Variants in DPP10 observed in about 807,000 individuals in gnomAD.
DPP10 encodes the protein inactive dipeptidyl peptidase 10.
A neutral mutation model predicts 120.9 loss-of-function variants in DPP10; 33 were observed. The observed-to-expected ratio is 0.27, with a 90% CI of 0.21 to 0.37. The LOEUF is 0.37. Among genes scored for constraint, DPP10 ranks in the 10% least tolerant of loss-of-function variants. DPP10 has a pLI of 1.00. For missense variants in DPP10, 816 were observed against 942.8 expected, an observed-to-expected ratio of 0.87 and a Z score of 1.76; for synonymous variants, 337 against 326.1, an observed-to-expected ratio of 1.03 and a Z score of -0.36.
chr2:114,578,266 T>C (rs990348848), intron 1 of DPP10, among the ~76,000 whole-genome samples: 3 of 152,210 alleles, frequency 2.0e-5, no homozygotes, highest in Admixed American at 6.5e-5. Context: ...TCATAACCTC[T>C]GAGAATAAAA....
chr2:114,560,075 T>G (rs1688644692), intron 1 of DPP10, among the ~76,000 whole-genome samples: 1 of 152,138 alleles, frequency 6.6e-6, no homozygotes, highest in Non-Finnish European at 1.5e-5. Context: ...TTTAATTCTA[T>G]CATCATGGTT....
rs182708405 is a variant in DPP10 at position 115,694,829 on chromosome 2, C to G, written c.576+4908C>G. Among the ~76,000 whole-genome samples the G allele has an allele frequency of 9.9e-5, 15 of 152,278 alleles. No homozygotes were observed. The East Asian group carries it at 2.5e-3, about 25-fold the overall frequency. On this transcript the variant is annotated intron_variant, in intron 7 of 25. Transcript: ENST00000410059. The stretch of plus-strand genomic sequence containing the variant: ...CAGCTACCTATCTTCGACCCCAGCC[C>G]CATGGCAGGCAGCTGTGCTTATGTT...
rs192928464 is a variant in DPP10 at position 115,412,822 on chromosome 2, T to G, written c.271+68910T>G. Among the ~76,000 whole-genome samples, 3 of 152,278 alleles carry G rather than the reference T, an allele frequency of 2.0e-5. No homozygotes were observed. The East Asian group carries it at 5.8e-4, about 29-fold the overall frequency. The stretch of plus-strand genomic sequence containing the variant: ...GAAGATGAATTTTCTAACCCTGGGA[T>G]TTGGCTGCTCACTGAGTGTACACAT... On this transcript the variant is annotated intron_variant, in intron 3 of 25. Coordinates refer to ENST00000410059, the MANE Select transcript of DPP10 (RefSeq NM_020868.6).
intron 1 of DPP10, among the ~76,000 whole-genome samples, chr2:114,514,707 A>G (rs1159043413): frequency 6.6e-6 from 1 of 151,890 alleles, no homozygotes; most frequent in Non-Finnish European, 1.5e-5. Context: ...CCTTTCCAGG[A>G]TCCATGTGCA....
Position 114,723,467 on chromosome 2 carries a change from G to C in DPP10, c.60+280629G>C, listed in dbSNP as rs530010271. Among the ~76,000 whole-genome samples, 3 of 152,258 alleles carry C rather than the reference G, an allele frequency of 2.0e-5. No individual in the cohort carries two copies. The South Asian group carries it at 6.2e-4, about 32-fold the overall frequency. ...ACCAAGGTTAGGCAAGACTTCTGTC[G>C]ACCAGTTCTTGGAATCTTTGGCTCA... On this transcript the variant is annotated intron_variant, in intron 1 of 25. Transcript: ENST00000410059.
intron 1 of DPP10, among the ~76,000 whole-genome samples, chr2:114,488,500 G>A (rs1205941292): frequency 6.6e-6 from 1 of 152,148 alleles, no homozygotes; most frequent in East Asian, 1.9e-4. Flanking sequence ...TGAAAATAGG[G>A]CCTGTGGTCA....
intron 1 of DPP10, among the ~76,000 whole-genome samples, chr2:115,112,541 A>G: frequency 6.6e-6 from 1 of 152,178 alleles, no homozygotes; most frequent in East Asian, 1.9e-4. Context: ...TACCTCTCAC[A>G]CTTACCATTT....
chr2:115,179,245 A>G (rs765423159), intron 1 of DPP10, among the ~76,000 whole-genome samples: 14 of 152,208 alleles, frequency 9.2e-5, no homozygotes, highest in Non-Finnish European at 1.9e-4. Flanking sequence ...TTAATGTAGA[A>G]TTGAACAAAT....
At chr2:114,568,739 G>A (rs1689403193) in intron 1 of DPP10, among the ~76,000 whole-genome samples, 1 of 152,214 alleles carries the variant, frequency 6.6e-6, no homozygotes, top group Non-Finnish European at 1.5e-5. Context: ...TTGGGAATGA[G>A]TTAAAGAATG....
At chr2:115,216,648 C>G (rs7587768) in intron 1 of DPP10, among the ~76,000 whole-genome samples, 134,072 of 151,828 alleles carry the variant, frequency 0.88, 59,249 homozygotes, top group East Asian at 0.91. Context: ...GCCAGGTGTG[C>G]TGGCGGGCAC....
At chr2:114,781,974 AT>A (rs1349867864) in intron 1 of DPP10, among the ~76,000 whole-genome samples, 1 of 152,020 alleles carries the variant, frequency 6.6e-6, no homozygotes, top group Non-Finnish European at 1.5e-5. Context: ...TGTGTATGAT[AT>A]TTTTTATTCT....
At chr2:114,495,513 C>A (rs1682435749) in intron 1 of DPP10, among the ~76,000 whole-genome samples, 1 of 152,058 alleles carries the variant, frequency 6.6e-6, no homozygotes, top group Non-Finnish European at 1.5e-5. Context: ...TGCCTATCAT[C>A]TTAAAAAAAT....
rs118072261 is a variant in DPP10, at chr2:115,658,413, G to A, written c.442-31274G>A. On this transcript the variant is annotated intron_variant, in intron 5 of 25. Coordinates refer to ENST00000410059, the MANE Select transcript of DPP10 (RefSeq NM_020868.6). ...CCCTTTTTTTTTTGAGAATGAATTC[G>A]ATGTCTTAAAATCTCTCTCTCTTTT... Among the ~76,000 whole-genome samples the A allele has an allele frequency of 4.7e-3, 706 of 150,954 alleles. 7 individuals carry two copies. Among genetic ancestry groups the A allele is most frequent in the Admixed American group, 0.013 (194 of 15,154 alleles).
chr2:115,732,054 G>C (rs1437316171), intron 8 of DPP10, among the ~76,000 whole-genome samples: 1 of 150,172 alleles, frequency 6.7e-6, no homozygotes, highest in African/African-American at 2.4e-5. Context: ...ATATTGCCTA[G>C]GGAATGCATG....
intron 1 of DPP10, among the ~76,000 whole-genome samples, chr2:115,221,161 A>C (rs1184235651): frequency 6.6e-6 from 1 of 152,122 alleles, no homozygotes; most frequent in African/African-American, 2.4e-5. Flanking sequence ...TTTTGAATTA[A>C]AGTACGTCAC....
chr2:115,028,064 A>G (rs1419908902), intron 1 of DPP10, among the ~76,000 whole-genome samples: 1 of 151,902 alleles, frequency 6.6e-6, no homozygotes, highest in African/African-American at 2.4e-5. Flanking sequence ...TTTTCGTTTT[A>G]TCGACCTGTT....
At chr2:115,814,291 T>C (rs1211499455) in intron 19 of DPP10, among the ~76,000 whole-genome samples, 2 of 151,972 alleles carry the variant, frequency 1.3e-5, no homozygotes, top group African/African-American at 4.8e-5. Context: ...CAGGAAATAC[T>C]AATGCAGTTT....
chr2:115,644,171 T>TA (rs1199213199), intron 5 of DPP10, among the ~76,000 whole-genome samples: 1 of 151,882 alleles, frequency 6.6e-6, no homozygotes, highest in Non-Finnish European at 1.5e-5. Flanking sequence ...TATATATATA[T>TA]TTTTATTATA....
chr2:115,636,145 C>CAAA (rs568939069), intron 5 of DPP10, among the ~76,000 whole-genome samples: 2 of 106,938 alleles, frequency 1.9e-5, no homozygotes, highest in African/African-American at 3.5e-5. Flanking sequence ...AGTCTAATCG[C>CAAA]AAAAAAAAAA....
Sources: gnomAD v4.1 joint callset for allele counts (sites outside exome capture counted in the v4.1 genomes callset) on GRCh38, gnomAD v4.1.1 for gene constraint, MANE v1.5 for transcripts, NCBI Gene and HGNC (gene_info 2026-07-23, HGNC 2026-07-21) for gene names.